Variants in ROBO2 observed in about 807,000 individuals in gnomAD.
ROBO2 encodes the protein roundabout guidance receptor 2.
Under a neutral mutation model 160.8 loss-of-function variants are expected in ROBO2, and 53 were observed. The observed-to-expected ratio is 0.33, with a 90% CI of 0.26 to 0.41. The LOEUF (loss-of-function observed/expected upper bound fraction) is 0.41, where lower values mean the gene tolerates loss of function less well. Among genes scored for constraint, ROBO2 ranks in the 10% least tolerant of loss-of-function variants. The pLI is 1.00. For synonymous variants in ROBO2, 664 were observed against 611.7 expected (o/e 1.09, Z -1.26); for missense variants, 1,577 against 1,722.4 (o/e 0.92, Z 1.49).
At chr3:76,021,150 G>C (rs975212422) in intron 2 of ROBO2, among the ~76,000 whole-genome samples, 13 of 151,682 alleles carry the variant, frequency 8.6e-5, no homozygotes, top group Non-Finnish European at 3.0e-5. Flanking sequence ...GTAACAGTGT[G>C]AATCTCTCTA....
rs547079011 is a variant in ROBO2 at position 77,360,283 on chromosome 3, G to T, written c.389-117131G>T. ...CCCCCAAATTTAGAAGCCCAGGAGG[G>T]ATTTATTCTACCCATAAGTAGCAAT... is the stretch of plus-strand genomic sequence containing the variant. On this transcript the variant is annotated intron_variant, in intron 2 of 25. Transcript: ENST00000461745. Among the ~76,000 whole-genome samples the T allele has an allele frequency of 1.6e-4, 24 of 151,716 alleles. No individual in the cohort carries two copies. The South Asian group carries it at 4.8e-3, about 30-fold the overall frequency.
chr3:77,164,499 C>A (rs1373917650), intron 2 of ROBO2, among the ~76,000 whole-genome samples: 1 of 137,270 alleles, frequency 7.3e-6, no homozygotes, highest in Admixed American at 7.4e-5. Context: ...GGGGTCAGCC[C>A]CCCGCCCGGC....
At chr3:77,109,298 C>T (rs2073260703) in intron 2 of ROBO2, among the ~76,000 whole-genome samples, 1 of 152,094 alleles carries the variant, frequency 6.6e-6, no homozygotes, top group Non-Finnish European at 1.5e-5. Flanking sequence ...ATCTGTTACA[C>T]AACAGTGTGA....
chr3:76,639,541 C>T (rs548510562), intron 2 of ROBO2, among the ~76,000 whole-genome samples: 1 of 152,148 alleles, frequency 6.6e-6, no homozygotes, highest in African/African-American at 2.4e-5. Flanking sequence ...GGAGCAGTTT[C>T]TCATCAAATA....
chr3:76,885,558 T>TA (rs1295727812), intron 2 of ROBO2, among the ~76,000 whole-genome samples: 2 of 152,180 alleles, frequency 1.3e-5, no homozygotes, highest in East Asian at 1.9e-4. Flanking sequence ...GTGTGTTAGC[T>TA]AAAAATACCA....
intron 2 of ROBO2, among the ~76,000 whole-genome samples, chr3:76,724,235 TGACCAGCCCTCTG>T (rs1468203433): frequency 6.6e-6 from 1 of 152,174 alleles, no homozygotes; most frequent in Non-Finnish European, 1.5e-5. Flanking sequence ...CAGTAGCTCC[TGACCAGCCCTCTG>T]GACCCCCTTA....
At chr3:76,629,438 G>A (rs541258462) in intron 2 of ROBO2, among the ~76,000 whole-genome samples, 30 of 152,264 alleles carry the variant, frequency 2.0e-4, no homozygotes, top group African/African-American at 7.0e-4. Flanking sequence ...AAAGAAGCCA[G>A]TCCAAGTTCC....
chr3:76,607,655 T>C (rs1309531716), intron 2 of ROBO2, among the ~76,000 whole-genome samples: 2 of 152,212 alleles, frequency 1.3e-5, no homozygotes, highest in Admixed American at 6.5e-5. Context: ...ATGTTCTATG[T>C]GACTTTAATT....
intron 1 of ROBO2, among the ~76,000 whole-genome samples, chr3:77,051,368 T>A (rs2065212878): frequency 6.6e-6 from 1 of 152,154 alleles, no homozygotes; most frequent in Non-Finnish European, 1.5e-5. Flanking sequence ...ATAAGACTAT[T>A]ATGAATAAAC....
At chr3:77,079,529 T>C (rs1039722195) in intron 1 of ROBO2, among the ~76,000 whole-genome samples, 1 of 152,188 alleles carries the variant, frequency 6.6e-6, no homozygotes, top group Middle Eastern at 3.2e-3. Flanking sequence ...ACAAAACTTT[T>C]AAGTATAATC....
chr3:76,513,043 A>C (rs1038834120), intron 2 of ROBO2, among the ~76,000 whole-genome samples: 4 of 152,218 alleles, frequency 2.6e-5, no homozygotes, highest in African/African-American at 9.6e-5. Flanking sequence ...ACTCTAAGAA[A>C]AAGTGAAGTC....
At chr3:76,363,256 T>C (rs2075628583) in intron 2 of ROBO2, among the ~76,000 whole-genome samples, 1 of 151,838 alleles carries the variant, frequency 6.6e-6, no homozygotes, top group Non-Finnish European at 1.5e-5. Context: ...CAGTATCACA[T>C]TGAATTTATG....
intron 2 of ROBO2, among the ~76,000 whole-genome samples, chr3:76,637,838 A>G (rs2090424785): frequency 6.6e-6 from 1 of 152,228 alleles, no homozygotes; most frequent in African/African-American, 2.4e-5. Flanking sequence ...GCCAAAATTC[A>G]TATAATACAT....
Position 77,574,488 on chromosome 3 carries a change from A to G in ROBO2, c.1972-11A>G, listed in dbSNP as rs931717549. 1.9e-6 allele frequency: 3 copies of G among 1,609,156 alleles called. No individual in the cohort carries two copies. Among genetic ancestry groups the G allele is most frequent in the Non-Finnish European group, 2.6e-6 (3 of 1,175,834 alleles). ...CCTTTAGTTTCAAATGCCCTTAACTATGTTTTTCAGGTTGATCGCCAACCC... is the reference window on the plus strand; with the variant it reads ...CCTTTAGTTTCAAATGCCCTTAACTGTGTTTTTCAGGTTGATCGCCAACCC... On this transcript the variant is annotated splice_polypyrimidine_tract_variant and intron_variant, in intron 13 of 25. Transcript: ENST00000461745.
At chr3:77,389,987 A>G (rs1234681160) in intron 2 of ROBO2, among the ~76,000 whole-genome samples, 1 of 152,180 alleles carries the variant, frequency 6.6e-6, no homozygotes, top group Non-Finnish European at 1.5e-5. Flanking sequence ...GAAGATTCTA[A>G]GATTGTGATT....
intron 2 of ROBO2, among the ~76,000 whole-genome samples, chr3:76,304,263 A>G (rs1053101195): frequency 1.3e-5 from 2 of 152,244 alleles, no homozygotes; most frequent in Non-Finnish European, 2.9e-5. Flanking sequence ...AAGGATGTAT[A>G]CGATACCTTG....
At chr3:77,251,454 G>T (rs1330278399) in intron 2 of ROBO2, among the ~76,000 whole-genome samples, 1 of 152,078 alleles carries the variant, frequency 6.6e-6, no homozygotes, top group African/African-American at 2.4e-5. Flanking sequence ...TCAAAACGTT[G>T]CTCTCAACGC....
intron 2 of ROBO2, among the ~76,000 whole-genome samples, chr3:76,519,298 C>T (rs1577837457): frequency 6.6e-6 from 1 of 152,138 alleles, no homozygotes. Context: ...GTTCCTACTA[C>T]GTGAGCAGAG....
chr3:77,025,415 G>GTGTA (rs2062903118), intron 2 of ROBO2, among the ~76,000 whole-genome samples: 1 of 152,108 alleles, frequency 6.6e-6, no homozygotes, highest in Non-Finnish European at 1.5e-5. Flanking sequence ...AGTTCCCTTG[G>GTGTA]TGTAACAAAT....
Sources: allele counts gnomAD v4.1 joint callset (sites outside exome capture counted in the v4.1 genomes callset), GRCh38; gene constraint gnomAD v4.1.1; transcripts MANE v1.5; gene names NCBI Gene and HGNC (gene_info 2026-07-23, HGNC 2026-07-21).